The following CCDC178 variants were observed in gnomAD, a reference collection of about 807,000 sequenced individuals.
CCDC178 encodes coiled-coil domain containing 178, also known as coiled-coil domain-containing protein 178.
A neutral mutation model predicts 117.4 loss-of-function variants in CCDC178; 126 were observed. That is an observed-to-expected ratio of 1.07 (90% confidence interval 0.93 to 1.24). The LOEUF is 1.24. Ranked by LOEUF, CCDC178 falls within the 50% of genes most tolerant of loss-of-function variation. The pLI is 0.00. For synonymous variants in CCDC178, 283 were observed against 313.4 expected (o/e 0.90, Z 1.02); for missense variants, 1,030 against 986.9 (o/e 1.04, Z -0.59).
intron 22 of CCDC178, among the ~76,000 whole-genome samples, chr18:32,972,752 A>G (rs895032564): frequency 6.6e-6 from 1 of 152,102 alleles, no homozygotes; most frequent in African/African-American, 2.4e-5. Context: ...GATTATTAGC[A>G]CAAGCTGGGT....
intron 20 of CCDC178, among the ~76,000 whole-genome samples, chr18:33,125,785 G>C (rs751408763): frequency 6.6e-6 from 1 of 152,200 alleles, no homozygotes; most frequent in Non-Finnish European, 1.5e-5. Context: ...CTGCTTCCAG[G>C]AAAGAGAGGG....
intron 11 of CCDC178, among the ~76,000 whole-genome samples, chr18:33,302,783 C>G (rs1429198095): frequency 6.6e-6 from 1 of 152,110 alleles, no homozygotes; most frequent in Non-Finnish European, 1.5e-5. Flanking sequence ...CTTGTTCTCA[C>G]TCATGTATGG....
intron 9 of CCDC178, among the ~76,000 whole-genome samples, chr18:33,343,229 G>A (rs2062840113): frequency 6.6e-6 from 1 of 152,110 alleles, no homozygotes; most frequent in Non-Finnish European, 1.5e-5. Flanking sequence ...TGAGGAGCCT[G>A]AGTCACAAGT....
At position 33,083,671 on chromosome 18, in the gene CCDC178, C is replaced by A. The variant is rs114559446; in HGVS notation, c.2388+9090G>T. The stretch of plus-strand genomic sequence containing the variant: ...TTATTTAAATACTTTCTTCCTGATT[C>A]TACTAGAGAAGTTATCTTTTAAGGG... On this transcript the variant is annotated intron_variant, in intron 21 of 22. Transcript: ENST00000383096. Among the ~76,000 whole-genome samples the A allele has an allele frequency of 6.9e-3, 1,052 of 152,272 alleles. 8 individuals carry two copies. The highest frequency in any genetic ancestry group is 0.024 in the African/African-American group (1,007 of 41,556).
At chr18:33,393,976 A>G (rs552418762) in intron 4 of CCDC178, among the ~76,000 whole-genome samples, 3 of 152,050 alleles carry the variant, frequency 2.0e-5, no homozygotes, top group Non-Finnish European at 4.4e-5. Context: ...TTCAAATTCA[A>G]CTTTATATTT....
At chr18:33,218,006 T>C (rs199917955) in intron 18 of CCDC178, among the ~76,000 whole-genome samples, 1 of 152,116 alleles carries the variant, frequency 6.6e-6, no homozygotes, top group Non-Finnish European at 1.5e-5. Context: ...GTTATGTCTG[T>C]GCACTTAAAA....
In CCDC178 at chr18:33,389,596, C is replaced by G. The variant is rs752798063; in HGVS notation, c.152G>C (p.Gly51Ala). The change falls in exon 5 of 23, where the codon GGA becomes GCA. Residue 51 changes from glycine (G) to alanine (A), a missense_variant. Transcript: ENST00000383096. Reference sequence around the variant, plus strand: ...ACCTTCACTGTTCTCCTTAGAGGCTCCATATAGAACCAAACTTTGAGACAT... The same window carrying G: ...ACCTTCACTGTTCTCCTTAGAGGCTGCATATAGAACCAAACTTTGAGACAT... ...NAMSQSLVLYGASKENSEGFH... is the reference protein window; with the variant it reads ...NAMSQSLVLYAASKENSEGFH... The G allele has an allele frequency of 6.6e-7, 1 of 1,516,364 alleles. No homozygotes were observed. 93.9% of individuals were successfully genotyped at this position (1,516,364 alleles called of 1,614,324 possible). A position where few individuals can be genotyped will look rare whatever the true frequency, so the allele number is the denominator to read the frequency against.
intron 20 of CCDC178, among the ~76,000 whole-genome samples, chr18:33,132,113 T>C (rs893245785): frequency 6.6e-6 from 1 of 151,706 alleles, no homozygotes; most frequent in East Asian, 1.9e-4. Flanking sequence ...GTGTAAATGG[T>C]CTTTAATGGC....
rs200878808 is a variant in CCDC178, at chr18:33,149,443, ACT to A, written c.2239-56535_2239-56534del. On this transcript the variant is annotated intron_variant, in intron 20 of 22. Transcript: ENST00000383096. ...AGAATATTAGGAATTTTCAAAAGAA[ACT>A]CTGAAGATCCTTGAAGCCTTTCCGT... 3.3e-4 allele frequency among the ~76,000 whole-genome samples: 50 copies of A among 152,250 alleles called. No homozygotes were observed. The East Asian group carries it at 6.9e-3, about 21-fold the overall frequency.
chr18:33,221,355 A>C (rs2059231562), intron 18 of CCDC178, among the ~76,000 whole-genome samples: 1 of 152,104 alleles, frequency 6.6e-6, no homozygotes, highest in African/African-American at 2.4e-5. Context: ...GCCTTTGCCC[A>C]ACTGCTATAT....
chr18:33,222,608 A>C (rs2059250048), intron 18 of CCDC178, among the ~76,000 whole-genome samples: 1 of 152,052 alleles, frequency 6.6e-6, no homozygotes, highest in East Asian at 1.9e-4. Flanking sequence ...TCATAATCTA[A>C]TCACCTCTGG....
chr18:33,398,478 G>A (rs747258649), intron 3 of CCDC178, among the ~76,000 whole-genome samples: 6 of 151,970 alleles, frequency 3.9e-5, no homozygotes, highest in Non-Finnish European at 8.8e-5. Flanking sequence ...AGAATATCCC[G>A]AAGTTCAGCA....
intron 20 of CCDC178, among the ~76,000 whole-genome samples, chr18:33,150,604 C>A (rs1431488513): frequency 6.6e-6 from 1 of 152,072 alleles, no homozygotes; most frequent in Non-Finnish European, 1.5e-5. Flanking sequence ...TGCAAACAGC[C>A]AACAAACATA....
chr18:33,037,392 G>A (rs1301887989), intron 21 of CCDC178, among the ~76,000 whole-genome samples: 1 of 151,810 alleles, frequency 6.6e-6, no homozygotes, highest in African/African-American at 2.4e-5. Context: ...AAGCACATTT[G>A]TAAACTCTGT....
Position 33,303,235 on chromosome 18 carries a change from C to G in CCDC178, c.1023-9923G>C, listed in dbSNP as rs534212483. Reference sequence around the variant, plus strand: ...ATTTTACTAAGTGAAAGAAGCCAATCTGAAAAGGCTGAATCCTATATGATG... The same window carrying G: ...ATTTTACTAAGTGAAAGAAGCCAATGTGAAAAGGCTGAATCCTATATGATG... On this transcript the variant is annotated intron_variant, in intron 11 of 22. Coordinates refer to ENST00000383096, the MANE Select transcript of CCDC178 (RefSeq NM_001105528.4). Among the ~76,000 whole-genome samples the G allele has an allele frequency of 2.6e-5, 4 of 152,226 alleles. No individual in the cohort carries two copies. The East Asian group carries it at 7.7e-4, about 29-fold the overall frequency.
intron 21 of CCDC178, among the ~76,000 whole-genome samples, chr18:32,991,895 C>G (rs892018397): frequency 6.6e-6 from 1 of 152,150 alleles, no homozygotes; most frequent in Non-Finnish European, 1.5e-5. Flanking sequence ...GACATCTGCC[C>G]ATTGCTTTAC....
intron 20 of CCDC178, among the ~76,000 whole-genome samples, chr18:33,114,415 A>G (rs2057824453): frequency 6.6e-6 from 1 of 151,990 alleles, no homozygotes; most frequent in Admixed American, 6.6e-5. Flanking sequence ...GAACCCAGTA[A>G]TTGAGAAGGG....
At chr18:33,280,961 G>C (rs1262789800) in intron 12 of CCDC178, among the ~76,000 whole-genome samples, 1 of 152,098 alleles carries the variant, frequency 6.6e-6, no homozygotes, top group African/African-American at 2.4e-5. Context: ...TGTGGGGTGG[G>C]GCGCGGGGGA....
intron 15 of CCDC178, among the ~76,000 whole-genome samples, chr18:33,241,529 T>C (rs2144679443): frequency 6.6e-6 from 1 of 151,022 alleles, no homozygotes; most frequent in East Asian, 1.9e-4. Flanking sequence ...TTGCGAGATA[T>C]AAAGTCAACA....
Sources: allele counts gnomAD v4.1 joint callset (sites outside exome capture counted in the v4.1 genomes callset), GRCh38; gene constraint gnomAD v4.1.1; transcripts MANE v1.5; gene names NCBI Gene and HGNC (gene_info 2026-07-23, HGNC 2026-07-21).